SERPINA6: variants seen among roughly 807,000 people sequenced by gnomAD.
The protein encoded by SERPINA6 is corticosteroid-binding globulin.
Under a neutral mutation model 26.4 loss-of-function variants are expected in SERPINA6, and 19 were observed. The observed-to-expected ratio is 0.72, with a 90% CI of 0.50 to 1.06. SERPINA6 has a LOEUF of 1.06. SERPINA6 is among the 50% of genes least tolerant of loss of function. The pLI is 0.00. For synonymous variants in SERPINA6, 196 were observed against 199.4 expected, an observed-to-expected ratio of 0.98 and a Z score of 0.14; for missense variants, 473 against 504.0, an observed-to-expected ratio of 0.94 and a Z score of 0.59.
Position 94,314,102 on chromosome 14 carries a change from C to T in SERPINA6, c.547G>A (p.Val183Ile). The T allele has an allele frequency of 6.2e-7, 1 of 1,614,174 alleles. No homozygotes were observed. ...YVKNKTQGKI[V>I]DLFSGLDSPA... The stretch of plus-strand genomic sequence containing the variant: ...CTATCCAGCCCTGAAAACAAGTCGA[C>T]AATTTTCCCCTGTGTCTTATTCTTG... The change falls in exon 2 of 5, where the codon GTC (valine) becomes ATC (isoleucine). Residue 183 changes from valine to isoleucine, a missense_variant. Coordinates refer to ENST00000341584, the MANE Select transcript of SERPINA6 (RefSeq NM_001756.4).
intron 2 of SERPINA6, among the ~76,000 whole-genome samples, chr14:94,312,235 T>C (rs1895541863): frequency 6.6e-6 from 1 of 152,246 alleles, no homozygotes; most frequent in Non-Finnish European, 1.5e-5. Flanking sequence ...TGTGATCTCC[T>C]ATCCACTTAG....
chr14:94,309,498 G>C (rs1192428462), intron 3 of SERPINA6, among the ~76,000 whole-genome samples: 1 of 152,206 alleles, frequency 6.6e-6, no homozygotes, highest in Non-Finnish European at 1.5e-5. Flanking sequence ...CAGGGAAAGG[G>C]AACCTCACTC....
At position 94,309,716 on chromosome 14, in the gene SERPINA6, A is replaced by T. The variant is rs1414060249; in HGVS notation, c.884+20T>A. 6.2e-7 allele frequency: 1 copy of T among 1,613,514 alleles called. No homozygotes were observed. The highest frequency in any genetic ancestry group is 1.1e-5 in the South Asian group (1 of 91,076). On this transcript the variant is annotated intron_variant, in intron 3 of 4. Transcript: ENST00000341584. The stretch of plus-strand genomic sequence containing the variant: ...GGACACGTGCATTGCAGAAATCAAC[A>T]TGATGGCTGGAGGACTTACCTGCTG...
At chr14:94,316,553 A>C (rs1895617324) in intron 1 of SERPINA6, among the ~76,000 whole-genome samples, 1 of 152,208 alleles carries the variant, frequency 6.6e-6, no homozygotes, top group African/African-American at 2.4e-5. Flanking sequence ...ATAATGTTTT[A>C]CCAGCTGCTA....
intron 3 of SERPINA6, 55 bp from the exon 4 acceptor site, chr14:94,306,273 G>T: frequency 6.3e-7 from 1 of 1,582,828 alleles, no homozygotes; most frequent in Non-Finnish European, 8.7e-7. Context: ...CTGGCAGAGG[G>T]GAGAGCAGCA....
At chr14:94,315,332 A>C (rs1299763840) in intron 1 of SERPINA6, among the ~76,000 whole-genome samples, 1 of 152,250 alleles carries the variant, frequency 6.6e-6, no homozygotes, top group East Asian at 1.9e-4. Flanking sequence ...TATGCTATTG[A>C]AGTAAAGCTG....
chr14:94,314,957 A>G (rs769869891), intron 1 of SERPINA6: 2 of 460,942 alleles, frequency 4.3e-6, no homozygotes, highest in Non-Finnish European at 7.8e-6. Context: ...TAAAGCAAGT[A>G]TTATTAACAT....
intron 2 of SERPINA6, among the ~76,000 whole-genome samples, chr14:94,313,437 G>T (rs1410414994): frequency 6.6e-6 from 1 of 152,250 alleles, no homozygotes; most frequent in African/African-American, 2.4e-5. Context: ...AAAGAGGAAG[G>T]CAGGAAAGTC....
chr14:94,322,756 C>G (rs1035779473), intron 1 of SERPINA6, among the ~76,000 whole-genome samples: 2 of 152,222 alleles, frequency 1.3e-5, no homozygotes, highest in Non-Finnish European at 2.9e-5. Flanking sequence ...GTTCTCTGTG[C>G]ATTATCTCTG....
chr14:94,321,296 CG>C (rs1342660165), intron 1 of SERPINA6, among the ~76,000 whole-genome samples: 1 of 152,060 alleles, frequency 6.6e-6, no homozygotes, highest in Non-Finnish European at 1.5e-5. Context: ...TCAAGCTGAT[CG>C]GTTCTGCTTT....
Position 94,304,573 on chromosome 14 carries a change from C to T in SERPINA6, c.1063G>A (p.Glu355Lys), listed in dbSNP as rs539282396. 15 of 1,614,186 alleles carry T rather than the reference C, an allele frequency of 9.3e-6. No individual in the cohort carries two copies. Among genetic ancestry groups the T allele is most frequent in the African/African-American group, 2.7e-5 (2 of 75,060 alleles). ...VVHKAVLQLN[E>K]EGVDTAGSTG... ...GAGCCAGCTGTGTCCACACCCTCCT[C>T]ATTGAGTTGCAGCACAGCTTTATGG... The change falls in exon 5 of 5, where the codon GAG (glutamate) becomes AAG (lysine). Residue 355 changes from glutamate (E) to lysine (K), a missense_variant. Coordinates refer to ENST00000341584, the MANE Select transcript of SERPINA6 (RefSeq NM_001756.4).
chr14:94,305,046 G>T (rs1895416906), intron 4 of SERPINA6, among the ~76,000 whole-genome samples: 1 of 152,188 alleles, frequency 6.6e-6, no homozygotes, highest in African/African-American at 2.4e-5. Context: ...TTTGACTGTT[G>T]ATATGTCCTT....
chr14:94,313,307 G>A (rs760066251), intron 2 of SERPINA6, among the ~76,000 whole-genome samples: 14 of 152,192 alleles, frequency 9.2e-5, no homozygotes, highest in Non-Finnish European at 1.8e-4. Context: ...CATGTCCAGG[G>A]GGAATTAAAG....
At chr14:94,308,305 T>G (rs887119624) in intron 3 of SERPINA6, among the ~76,000 whole-genome samples, 4 of 152,248 alleles carry the variant, frequency 2.6e-5, no homozygotes, top group Non-Finnish European at 4.4e-5. Flanking sequence ...CACCAGAATC[T>G]GTTTTCTGCT....
intron 1 of SERPINA6, among the ~76,000 whole-genome samples, chr14:94,315,501 T>C (rs1022984059): frequency 1.3e-5 from 2 of 152,232 alleles, no homozygotes; most frequent in African/African-American, 4.8e-5. Context: ...TTTAGTTTGC[T>C]CTTTTTCTAG....
intron 3 of SERPINA6, among the ~76,000 whole-genome samples, chr14:94,306,780 C>G (rs189303723): frequency 6.6e-4 from 101 of 152,352 alleles, no homozygotes; most frequent in Non-Finnish European, 1.2e-3. Context: ...GCAGTTTCTA[C>G]CAGATGAAGC....
intron 1 of SERPINA6, among the ~76,000 whole-genome samples, chr14:94,320,952 G>C (rs376556809): frequency 6.6e-6 from 1 of 152,080 alleles, no homozygotes; most frequent in Non-Finnish European, 1.5e-5. Context: ...GGGTCCTCGC[G>C]ACAATTCTTT....
At chr14:94,308,569 C>T (rs1895476289) in intron 3 of SERPINA6, among the ~76,000 whole-genome samples, 1 of 152,212 alleles carries the variant, frequency 6.6e-6, no homozygotes. Context: ...GAGTCTGCAT[C>T]AGCCCCCCTG....
chr14:94,310,527 G>A (rs1028949980), intron 2 of SERPINA6, among the ~76,000 whole-genome samples: 1 of 152,092 alleles, frequency 6.6e-6, no homozygotes, highest in African/African-American at 2.4e-5. Flanking sequence ...CTCCTTCAGG[G>A]TCACAGACTC....
Sources: gnomAD v4.1 joint callset for allele counts (sites outside exome capture counted in the v4.1 genomes callset) on GRCh38, gnomAD v4.1.1 for gene constraint, MANE v1.5 for transcripts, NCBI Gene and HGNC (gene_info 2026-07-23, HGNC 2026-07-21) for gene names.